Variants in ITGA8 observed in about 807,000 individuals in gnomAD.
ITGA8 encodes the protein integrin subunit alpha 8, also known as integrin alpha-8.
ITGA8 carries 91 observed loss-of-function variants against 142.3 expected under a neutral mutation model. That is an observed-to-expected ratio of 0.64 (90% confidence interval 0.54 to 0.76). The LOEUF is 0.76. Ranked by LOEUF, ITGA8 falls within the 30% of genes least tolerant of loss-of-function variation. The pLI is 0.00. For missense variants in ITGA8, 1,406 were observed against 1,327.7 expected (o/e 1.06, Z -0.92); for synonymous variants, 505 against 485.2 (o/e 1.04, Z -0.54).
At chr10:15,689,766 C>T (rs1309034170) in intron 2 of ITGA8, among the ~76,000 whole-genome samples, 1 of 152,284 alleles carries the variant, frequency 6.6e-6, no homozygotes, top group East Asian at 1.9e-4. Context: ...AGACACACAG[C>T]GTGCACCAAT....
intron 8 of ITGA8, among the ~76,000 whole-genome samples, chr10:15,665,264 C>T (rs1201112067): frequency 6.6e-6 from 1 of 152,138 alleles, no homozygotes; most frequent in East Asian, 1.9e-4. Context: ...CTCTGATGGC[C>T]AGTGATGATG....
intron 2 of ITGA8, among the ~76,000 whole-genome samples, chr10:15,698,364 A>G (rs1388845823): frequency 6.6e-6 from 1 of 152,212 alleles, no homozygotes; most frequent in African/African-American, 2.4e-5. Flanking sequence ...TTGTGCTGCT[A>G]TAAACACACA....
At chr10:15,684,450 G>A (rs908312055) in intron 3 of ITGA8, among the ~76,000 whole-genome samples, 4 of 151,706 alleles carry the variant, frequency 2.6e-5, no homozygotes, top group South Asian at 2.1e-4. Flanking sequence ...CACTGTAGCC[G>A]CAACCTCCTG....
At chr10:15,678,588 A>T in intron 5 of ITGA8, 134 bp downstream of exon 5, 1 of 559,988 alleles carries the variant, frequency 1.8e-6, no homozygotes, top group East Asian at 2.9e-5. Context: ...CATTTGCCCA[A>T]ACAGGCTAGG....
In ITGA8 at chr10:15,517,248, T is replaced by C. The variant is rs1832980762; in HGVS notation, c.3106-4A>G. ...TGGCTCTGTCAAAGAATCCACACTA[T>C]AAAGGGAAAGATGGGCTATAAAATC... On this transcript the variant is annotated splice_polypyrimidine_tract_variant and splice_region_variant and intron_variant, in intron 29 of 29. Coordinates refer to ENST00000378076, the MANE Select transcript of ITGA8 (RefSeq NM_003638.3). 1 of 1,599,790 alleles carries C rather than the reference T, an allele frequency of 6.3e-7. No homozygotes were observed. The highest frequency in any genetic ancestry group is 1.1e-5 in the South Asian group (1 of 88,796).
intron 20 of ITGA8, among the ~76,000 whole-genome samples, chr10:15,599,295 G>C (rs1337808036): frequency 6.6e-6 from 1 of 151,882 alleles, no homozygotes; most frequent in Non-Finnish European, 1.5e-5. Flanking sequence ...TTCCTCTGCA[G>C]TTTCTGGGAC....
At chr10:15,623,149 T>C (rs1437618565) in intron 13 of ITGA8, among the ~76,000 whole-genome samples, 1 of 152,200 alleles carries the variant, frequency 6.6e-6, no homozygotes, top group Non-Finnish European at 1.5e-5. Context: ...GCTAATATTC[T>C]AAACATTTTA....
chr10:15,684,342 T>C (rs747688397), intron 3 of ITGA8, among the ~76,000 whole-genome samples: 12 of 150,362 alleles, frequency 8.0e-5, no homozygotes, highest in Non-Finnish European at 1.8e-4. Flanking sequence ...ATTAAATACA[T>C]GCAAAAAAAA....
At chr10:15,711,104 T>C (rs1835355102) in intron 2 of ITGA8, among the ~76,000 whole-genome samples, 1 of 152,170 alleles carries the variant, frequency 6.6e-6, no homozygotes, top group South Asian at 2.1e-4. Context: ...AGTGAGGAAA[T>C]TTTGTGCCTG....
intron 26 of ITGA8, among the ~76,000 whole-genome samples, chr10:15,552,358 C>T (rs1564348082): frequency 6.6e-6 from 1 of 152,068 alleles, no homozygotes; most frequent in Non-Finnish European, 1.5e-5. Context: ...AGGATGGTCT[C>T]AAATCTCCTG....
intron 27 of ITGA8, among the ~76,000 whole-genome samples, chr10:15,547,034 A>G (rs1478724868): frequency 3.3e-5 from 5 of 152,188 alleles, no homozygotes. Context: ...AAAAAATTCT[A>G]TATTTATAAC....
chr10:15,517,200 G>A lies in ITGA8; in HGVS notation c.3150C>T (p.Thr1050=), dbSNP rs199977895. The change falls in exon 30 of 30, where the codon ACC becomes ACT. Residue 1050 remains threonine, a synonymous_variant. Transcript: ENST00000378076. ...TGTCATTTGTCAGCTGTTCCCTGTC[G>A]GTCATGTCCTCCTGAGGAGGTCTGG... is the stretch of plus-strand genomic sequence containing the variant. ...DRARPPQEDM[T]DREQLTNDKT... The A allele has an allele frequency of 1.8e-5, 29 of 1,613,034 alleles. No individual in the cohort carries two copies. The East Asian group carries it at 3.3e-4, about 19-fold the overall frequency.
chr10:15,677,950 T>C, intron 5 of ITGA8, among the ~76,000 whole-genome samples: 1 of 152,236 alleles, frequency 6.6e-6, no homozygotes, highest in African/African-American at 2.4e-5. Flanking sequence ...TTTAGTGCTG[T>C]GCAGTTTTGC....
intron 26 of ITGA8, among the ~76,000 whole-genome samples, chr10:15,554,317 A>T (rs1833845903): frequency 6.6e-6 from 1 of 152,144 alleles, no homozygotes; most frequent in Non-Finnish European, 1.5e-5. Context: ...CTGAGTTCAG[A>T]ACTGCAGGAG....
rs142791014 is a variant in ITGA8 at position 15,660,919 on chromosome 10, A to G, written c.851T>C (p.Leu284Ser). ...TGCTCCTCTTGGAATTCCAGCAACC[A>G]ATTCTGGGGATGAAAATAGCCATTT... ...GEFTGDSQQE[L>S]VAGIPRGAQN... is the part of the protein sequence containing the mutation. Residue 284 changes from leucine (L) to serine (S), a missense_variant, in exon 9 of 30, where the codon TTG (leucine) becomes TCG (serine). Leu to Ser is a moderately radical substitution (Grantham distance 145, BLOSUM62 -2). Coordinates refer to ENST00000378076, the MANE Select transcript of ITGA8 (RefSeq NM_003638.3). The G allele has an allele frequency of 2.4e-4, 383 of 1,613,504 alleles. 1 individual carries two copies. The highest frequency in any genetic ancestry group is 3.0e-4 in the Non-Finnish European group (357 of 1,179,634).
At chr10:15,524,200 C>A (rs752119108) in intron 28 of ITGA8, among the ~76,000 whole-genome samples, 1 of 152,180 alleles carries the variant, frequency 6.6e-6, no homozygotes, top group African/African-American at 2.4e-5. Flanking sequence ...CAGAGACCTT[C>A]CTTCACCCTT....
intron 2 of ITGA8, among the ~76,000 whole-genome samples, chr10:15,690,508 G>T (rs1834914486): frequency 6.6e-6 from 1 of 152,118 alleles, no homozygotes; most frequent in African/African-American, 2.4e-5. Context: ...CACCTGAAGA[G>T]TGAACCTGTG....
At position 15,640,752 on chromosome 10, in the gene ITGA8, G is replaced by A. The variant is rs375649271; in HGVS notation, c.1399+3278C>T. On this transcript the variant is annotated intron_variant, in intron 13 of 29. Coordinates refer to ENST00000378076, the MANE Select transcript of ITGA8 (RefSeq NM_003638.3). ...AGAAACCTGAATACCCAGCCTGTGC[G>A]TGTCTGAGTCCTAACAGTGGCTCAG... Among the ~76,000 whole-genome samples the A allele has an allele frequency of 5.3e-5, 8 of 152,190 alleles. No homozygotes were observed. In the East Asian group the frequency reaches 5.8e-4, roughly 11 times the overall value.
intron 27 of ITGA8, 66 bp from the exon 28 acceptor site, chr10:15,531,217 A>G (rs903233993): frequency 2.5e-6 from 2 of 793,520 alleles, no homozygotes; most frequent in East Asian, 3.3e-5. Flanking sequence ...ACTGGCAGCC[A>G]CCTAATTATT....
Sources: allele counts gnomAD v4.1 joint callset (sites outside exome capture counted in the v4.1 genomes callset), GRCh38; gene constraint gnomAD v4.1.1; transcripts MANE v1.5; gene names NCBI Gene and HGNC (gene_info 2026-07-23, HGNC 2026-07-21).